The following ZBTB40 variants were observed in gnomAD, a reference collection of about 807,000 sequenced individuals.
The protein encoded by ZBTB40 is zinc finger and BTB domain containing 40.
ZBTB40 carries 60 observed loss-of-function variants against 117.5 expected under a neutral mutation model. That is an observed-to-expected ratio of 0.51 (90% CI 0.41 to 0.63). The LOEUF (loss-of-function observed/expected upper bound fraction) is 0.63, where lower values mean the gene tolerates loss of function less well. Among genes scored for constraint, ZBTB40 ranks in the 30% least tolerant of loss-of-function variants. The pLI is 0.00. For missense variants in ZBTB40, 1,287 were observed against 1,498.5 expected (o/e 0.86, Z 2.33); for synonymous variants, 525 against 577.1 (o/e 0.91, Z 1.29).
At position 22,512,925 on chromosome 1, in the gene ZBTB40, C is replaced by T. The variant is rs775324233; in HGVS notation, c.2463C>T (p.Gly821=). The T allele has an allele frequency of 1.9e-6, 3 of 1,614,222 alleles. No homozygotes were observed. The highest frequency in any genetic ancestry group is 2.5e-6 in the Non-Finnish European group (3 of 1,180,032). Residue 821 remains glycine (G), a splice_region_variant and synonymous_variant, in exon 12 of 18, where the codon GGC becomes GGT. Transcript: ENST00000375647. ...LCGREFAHAS[G]MQYHKLTEHF... is the part of the protein sequence containing the mutation. Reference sequence around the variant, plus strand: ...CTCTGGTGTGCTTGGCTTCCCTAGGCATGCAGTACCATAAGCTGACAGAGC... The same window carrying T: ...CTCTGGTGTGCTTGGCTTCCCTAGGTATGCAGTACCATAAGCTGACAGAGC...
rs545319552 is a variant in ZBTB40 at position 22,522,988 on chromosome 1, C to T, written c.3298+525C>T. Among the ~76,000 whole-genome samples the T allele has an allele frequency of 1.3e-4, 18 of 134,730 alleles. No individual in the cohort carries two copies. In the South Asian group the frequency reaches 4.8e-3, roughly 36 times the overall value. The allele number at this position is 134,730 out of a possible 152,430, so 88.4% of individuals were successfully genotyped here. On this transcript the variant is annotated intron_variant, in intron 16 of 17. Coordinates refer to ENST00000375647, the MANE Select transcript of ZBTB40 (RefSeq NM_014870.4). ...TTTGAGATGGAGTCTCACTCTGTCA[C>T]CCAGGCTGGAGTGCAGTGGCGCGAT...
At chr1:22,429,141 G>C (rs1457522164) in intron 1 of ZBTB40, among the ~76,000 whole-genome samples, 1 of 152,142 alleles carries the variant, frequency 6.6e-6, no homozygotes, top group South Asian at 2.1e-4. Flanking sequence ...CCAGCACTTT[G>C]GGGGGCCGAG....
intron 3 of ZBTB40, among the ~76,000 whole-genome samples, chr1:22,492,053 C>T (rs1015741021): frequency 6.6e-6 from 1 of 152,032 alleles, no homozygotes; most frequent in African/African-American, 2.4e-5. Flanking sequence ...TATGTGTTAC[C>T]GCATTTAATT....
chr1:22,475,489 C>T (rs1162826076), intron 1 of ZBTB40, among the ~76,000 whole-genome samples: 1 of 152,210 alleles, frequency 6.6e-6, no homozygotes, highest in Non-Finnish European at 1.5e-5. Context: ...TTATTTCCAG[C>T]ATATGTGCCA....
At chr1:22,488,740 G>A (rs973207258) in intron 1 of ZBTB40, among the ~76,000 whole-genome samples, 1 of 152,214 alleles carries the variant, frequency 6.6e-6, no homozygotes, top group African/African-American at 2.4e-5. Flanking sequence ...GTGCAAAGCA[G>A]CAGCAAGATC....
At chr1:22,501,415 C>A in intron 3 of ZBTB40, 77 bp from the exon 4 acceptor site, 1 of 1,526,214 alleles carries the variant, frequency 6.6e-7, no homozygotes, top group Non-Finnish European at 9.1e-7. Flanking sequence ...CTGTTGAGGA[C>A]CTTGTTTGCC....
Position 22,526,582 on chromosome 1 carries a change from C to A in ZBTB40, c.*186C>A. On this transcript the variant is annotated 3_prime_UTR_variant, in exon 18 of 18. Transcript: ENST00000375647. ...TCTCATAGAACCAACAGCATCTGAG[C>A]CCTCAACACCAACAGCACCATCCTC... is the stretch of plus-strand genomic sequence containing the variant. The A allele has an allele frequency of 2.8e-6, 2 of 709,972 alleles. No homozygotes were observed. The highest frequency in any genetic ancestry group is 2.2e-5 in the Admixed American group (1 of 45,918). 44.0% of individuals were successfully genotyped at this position (709,972 alleles called of 1,614,324 possible).
intron 1 of ZBTB40, among the ~76,000 whole-genome samples, chr1:22,487,737 G>C (rs937340596): frequency 6.6e-6 from 1 of 151,996 alleles, no homozygotes; most frequent in Admixed American, 6.6e-5. Context: ...ATGTTACTTA[G>C]GTGGTATATT....
chr1:22,515,923 G>T (rs1639361902), intron 12 of ZBTB40, among the ~76,000 whole-genome samples: 1 of 152,222 alleles, frequency 6.6e-6, no homozygotes, highest in Admixed American at 6.5e-5. Context: ...GGGCAAGAGG[G>T]AAACAGAAGG....
At chr1:22,507,877 C>G in intron 6 of ZBTB40, 124 bp from the exon 7 acceptor site, 1 of 1,424,492 alleles carries the variant, frequency 7.0e-7, no homozygotes, top group South Asian at 1.2e-5. Flanking sequence ...CAAGCCAGGG[C>G]TCTGCAGAGG....
rs531773003 is a variant in ZBTB40 at position 22,464,258 on chromosome 1, G to A, written c.-70+12254G>A. On this transcript the variant is annotated intron_variant, in intron 1 of 17. Transcript: ENST00000375647. ...AATTGAACATTCAAGATTCGCACCC[G>A]GGTAGTCTGGCTCCAGCTCTGGCCT... 3.3e-4 allele frequency among the ~76,000 whole-genome samples: 51 copies of A among 152,344 alleles called. 2 individuals carry two copies. In the East Asian group the frequency reaches 6.9e-3, roughly 21 times the overall value.
chr1:22,501,038 A>C (rs1638921703), intron 3 of ZBTB40, among the ~76,000 whole-genome samples: 1 of 152,244 alleles, frequency 6.6e-6, no homozygotes, highest in African/African-American at 2.4e-5. Flanking sequence ...ATTAGGTAAG[A>C]AGTGCATTAA....
At chr1:22,442,598 A>G (rs1453499507) in intron 1 of ZBTB40, among the ~76,000 whole-genome samples, 3 of 152,158 alleles carry the variant, frequency 2.0e-5, no homozygotes, top group Non-Finnish European at 4.4e-5. Flanking sequence ...AGGTTTATCC[A>G]TGTTTCTTGT....
intron 5 of ZBTB40, 75 bp from the exon 6 acceptor site, chr1:22,505,974 A>G (rs1639065536): frequency 6.6e-7 from 1 of 1,509,686 alleles, no homozygotes; most frequent in Non-Finnish European, 9.2e-7. Context: ...CTATCTTGCT[A>G]GGTTTTCCAG....
chr1:22,478,267 A>G (rs1641597837), intron 1 of ZBTB40, among the ~76,000 whole-genome samples: 1 of 151,190 alleles, frequency 6.6e-6, no homozygotes, highest in African/African-American at 2.4e-5. Flanking sequence ...CTTTTTTTTG[A>G]GACGGAGTCT....
At chr1:22,462,773 C>CT (rs1641160926) in intron 1 of ZBTB40, among the ~76,000 whole-genome samples, 1 of 152,218 alleles carries the variant, frequency 6.6e-6, no homozygotes, top group Admixed American at 6.5e-5. Flanking sequence ...AAGTCGGACT[C>CT]TCCCCACTTT....
chr1:22,441,634 C>T (rs1231470405), intron 1 of ZBTB40, among the ~76,000 whole-genome samples: 1 of 151,838 alleles, frequency 6.6e-6, no homozygotes, highest in Non-Finnish European at 1.5e-5. Context: ...AGGCCTAAAC[C>T]ACTGCACCCG....
In ZBTB40 at chr1:22,524,397, A is replaced by G. The variant is rs558286007; in HGVS notation, c.3478A>G (p.Lys1160Glu). The change falls in exon 17 of 18, where the codon AAG becomes GAG. Residue 1160 changes from lysine (K) to glutamate (E), a missense_variant. By Grantham distance (56) the Lys-to-Glu change is moderately conservative. This residue lies in a region of ZBTB40 where 417 missense variants were observed against 564.1 expected (regional missense o/e 0.74). Coordinates refer to ENST00000375647, the MANE Select transcript of ZBTB40 (RefSeq NM_014870.4). Reference protein sequence around the residue: ...LDSHLESEHPKVMSTETQAAA... With the variant: ...LDSHLESEHPEVMSTETQAAA... Reference sequence around the variant, plus strand: ...CAGTCACCTGGAATCTGAGCACCCAAAGGTGATGAGCACGGAAACCCAGGC... The same window carrying G: ...CAGTCACCTGGAATCTGAGCACCCAGAGGTGATGAGCACGGAAACCCAGGC... The G allele has an allele frequency of 6.2e-7, 1 of 1,614,156 alleles. No homozygotes were observed. Among genetic ancestry groups the G allele is most frequent in the East Asian group, 2.2e-5 (1 of 44,880 alleles).
At chr1:22,492,459 C>T (rs561390415) in intron 3 of ZBTB40, among the ~76,000 whole-genome samples, 2 of 152,334 alleles carry the variant, frequency 1.3e-5, no homozygotes, top group South Asian at 4.1e-4. Flanking sequence ...CCATTTATTT[C>T]CCTTTTCTCC....
Sources: allele counts gnomAD v4.1 joint callset (sites outside exome capture counted in the v4.1 genomes callset), GRCh38; gene constraint gnomAD v4.1.1; regional missense constraint gnomAD v4.1.1; transcripts MANE v1.5; gene names NCBI Gene and HGNC (gene_info 2026-07-23, HGNC 2026-07-21).